Variants in EPHA5 observed in about 807,000 individuals in gnomAD.
EPHA5 encodes ephrin type-A receptor 5.
EPHA5 carries 60 observed loss-of-function variants against 105.0 expected under a neutral mutation model. The ratio of observed to expected loss-of-function variants is 0.57; its 90% CI spans 0.46 to 0.71. EPHA5 has a LOEUF of 0.71. Among genes scored for constraint, EPHA5 ranks in the 30% least tolerant of loss-of-function variants. The pLI is 0.00. For missense variants in EPHA5, 1,218 were observed against 1,274.7 expected (o/e 0.96, Z 0.68); for synonymous variants, 513 against 449.1 (o/e 1.14, Z -1.80).
rs149422043 is a variant in EPHA5, at chr4:65,323,048, G to A, written c.*1066C>T. 1.3e-5 allele frequency: 3 copies of A among 228,860 alleles called. No individual in the cohort carries two copies. Among genetic ancestry groups the A allele is most frequent in the Non-Finnish European group, 2.6e-5 (3 of 115,334 alleles). 14.2% of individuals were successfully genotyped at this position (228,860 alleles called of 1,614,324 possible). ...AAATGTGCCCTTCGGTGTCAACTTT[G>A]CTTGACAAGATACTTTTCAGGACTC... On this transcript the variant is annotated 3_prime_UTR_variant, in exon 17 of 17. Coordinates refer to ENST00000613740, the MANE Select transcript of EPHA5 (RefSeq NM_001281766.3).
At chr4:65,438,200 C>A (rs557553247) in intron 5 of EPHA5, among the ~76,000 whole-genome samples, 8 of 152,020 alleles carry the variant, frequency 5.3e-5, no homozygotes, top group African/African-American at 1.9e-4. Flanking sequence ...TAAACTCATT[C>A]ATTTAATGAC....
chr4:65,602,077 T>C lies in EPHA5; in HGVS notation c.474A>G (p.Ser158=), dbSNP rs548304733. 28 of 1,614,170 alleles carry C rather than the reference T, an allele frequency of 1.7e-5. No homozygotes were observed. The African/African-American group carries it at 2.9e-4, about 17-fold the overall frequency. Residue 158 remains serine, a synonymous_variant, in exon 3 of 17, where the codon TCA becomes TCG. Transcript: ENST00000613740. ...KETFNMYYFE[S]DDQNGRNIKE... is the part of the protein sequence containing the mutation. ...TGATGTTTCTCCCATTCTGATCATC[T>C]GACTCAAAGTAATACATATTAAAGG...
At position 65,596,232 on chromosome 4, in the gene EPHA5, A is replaced by G. The variant is rs1400619114; in HGVS notation, c.910+5409T>C. On this transcript the variant is annotated intron_variant, in intron 3 of 16. Transcript: ENST00000613740. ...ATTTGGGGAGGGGACAAGTATTTGG[A>G]TTAGTGGTTCTCAACTGGGAGTGAT... Among the ~76,000 whole-genome samples, 5 of 152,166 alleles carry G rather than the reference A, an allele frequency of 3.3e-5. No homozygotes were observed. The East Asian group carries it at 5.8e-4, about 18-fold the overall frequency.
At chr4:65,481,319 T>G (rs1362304143) in intron 5 of EPHA5, among the ~76,000 whole-genome samples, 1 of 152,198 alleles carries the variant, frequency 6.6e-6, no homozygotes, top group East Asian at 1.9e-4. Context: ...ATTACAAAGA[T>G]GATTTAATTT....
chr4:65,634,893 C>T (rs1428074577), intron 2 of EPHA5, among the ~76,000 whole-genome samples: 2 of 151,968 alleles, frequency 1.3e-5, no homozygotes, highest in African/African-American at 2.4e-5. Context: ...TGATCCTCAA[C>T]AAAATACGAG....
chr4:65,597,064 C>T (rs549689078), intron 3 of EPHA5, among the ~76,000 whole-genome samples: 13 of 152,258 alleles, frequency 8.5e-5, no homozygotes, highest in Middle Eastern at 6.8e-3. Context: ...ATTTTCCTCG[C>T]TGTGCAATCA....
chr4:65,540,088 G>A (rs922392942), intron 3 of EPHA5, among the ~76,000 whole-genome samples: 3 of 151,390 alleles, frequency 2.0e-5, no homozygotes, highest in Non-Finnish European at 3.0e-5. Flanking sequence ...CACCATGCAT[G>A]AAATTAATCA....
intron 5 of EPHA5, among the ~76,000 whole-genome samples, chr4:65,468,349 T>C (rs1183073146): frequency 5.3e-5 from 8 of 151,426 alleles, no homozygotes; most frequent in African/African-American, 9.7e-5. Flanking sequence ...TCACAATATA[T>C]ATTTTTTCAA....
intron 8 of EPHA5, among the ~76,000 whole-genome samples, chr4:65,369,342 G>C (rs1718231973): frequency 6.6e-6 from 1 of 152,050 alleles, no homozygotes; most frequent in Non-Finnish European, 1.5e-5. Context: ...CTCTAAAGAA[G>C]TGATTTTACT....
At chr4:65,339,820 T>C (rs991314893) in intron 14 of EPHA5, among the ~76,000 whole-genome samples, 3 of 152,058 alleles carry the variant, frequency 2.0e-5, no homozygotes, top group Non-Finnish European at 4.4e-5. Context: ...TGGGACCATG[T>C]AGACACACCA....
At chr4:65,442,426 T>C (rs1474359328) in intron 5 of EPHA5, among the ~76,000 whole-genome samples, 2 of 152,140 alleles carry the variant, frequency 1.3e-5, no homozygotes, top group Non-Finnish European at 2.9e-5. Context: ...AACTTCCCAG[T>C]CCCCAGAATT....
At chr4:65,494,266 T>C (rs1337050421) in intron 4 of EPHA5, among the ~76,000 whole-genome samples, 1 of 152,184 alleles carries the variant, frequency 6.6e-6, no homozygotes, top group South Asian at 2.1e-4. Context: ...TTAGACACTA[T>C]GAAATTCAGA....
chr4:65,408,256 G>A (rs1722562336), intron 7 of EPHA5, among the ~76,000 whole-genome samples: 2 of 152,042 alleles, frequency 1.3e-5, no homozygotes, highest in South Asian at 4.1e-4. Flanking sequence ...GGTCAAGTAG[G>A]AGATATGGTA....
intron 2 of EPHA5, among the ~76,000 whole-genome samples, chr4:65,617,940 G>T (rs766513088): frequency 1.3e-5 from 2 of 152,062 alleles, no homozygotes; most frequent in Non-Finnish European, 2.9e-5. Context: ...ACATTTAAAA[G>T]CTTCAGCTCT....
intron 8 of EPHA5, 99 bp downstream of exon 8, chr4:65,404,275 G>T (rs1722138278): frequency 2.4e-6 from 2 of 832,344 alleles, no homozygotes; most frequent in Admixed American, 4.0e-5. Flanking sequence ...TATATTGCTT[G>T]CCTGATTTGT....
chr4:65,498,021 T>A (rs1732117553), intron 3 of EPHA5, among the ~76,000 whole-genome samples: 1 of 151,890 alleles, frequency 6.6e-6, no homozygotes, highest in Non-Finnish European at 1.5e-5. Flanking sequence ...CCCAATTTAA[T>A]CTAGATTATT....
At chr4:65,377,786 T>G (rs1719157375) in intron 8 of EPHA5, among the ~76,000 whole-genome samples, 1 of 151,952 alleles carries the variant, frequency 6.6e-6, no homozygotes, top group Non-Finnish European at 1.5e-5. Context: ...AAGTAAACTA[T>G]TTTATAAAAT....
At chr4:65,479,281 T>C (rs1730125830) in intron 5 of EPHA5, among the ~76,000 whole-genome samples, 2 of 152,164 alleles carry the variant, frequency 1.3e-5, no homozygotes. Flanking sequence ...CCCTGTGATA[T>C]TTACGTAATT....
chr4:65,564,186 T>C (rs1380716279), intron 3 of EPHA5, among the ~76,000 whole-genome samples: 1 of 151,912 alleles, frequency 6.6e-6, no homozygotes, highest in African/African-American at 2.4e-5. Context: ...TTTTCTTGCA[T>C]ATTAATTGAA....
Sources: allele counts gnomAD v4.1 joint callset (sites outside exome capture counted in the v4.1 genomes callset), GRCh38; gene constraint gnomAD v4.1.1; transcripts MANE v1.5; gene names NCBI Gene and HGNC (gene_info 2026-07-23, HGNC 2026-07-21).